The following DGKB variants were observed in gnomAD, a reference collection of about 807,000 sequenced individuals.
DGKB encodes diacylglycerol kinase beta.
In DGKB, 67 loss-of-function variants were observed where a neutral mutation model predicts 114.3. The observed-to-expected ratio is 0.59, with a 90% CI of 0.48 to 0.72. DGKB has a LOEUF of 0.72. Among genes scored for constraint, DGKB ranks in the 30% least tolerant of loss-of-function variants. The pLI, the probability that DGKB is intolerant of heterozygous loss-of-function variation, is 0.00. For synonymous variants in DGKB, 398 were observed against 323.1 expected, an observed-to-expected ratio of 1.23 and a Z score of -2.49; for missense variants, 907 against 975.2, an observed-to-expected ratio of 0.93 and a Z score of 0.93.
At chr7:14,940,375 T>C (rs1785507465) in intron 1 of DGKB, among the ~76,000 whole-genome samples, 1 of 152,052 alleles carries the variant, frequency 6.6e-6, no homozygotes, top group Non-Finnish European at 1.5e-5. Flanking sequence ...CAAGTTTTTA[T>C]TGACAAAATT....
At chr7:14,801,453 T>G (rs906718710) in intron 2 of DGKB, among the ~76,000 whole-genome samples, 2 of 152,208 alleles carry the variant, frequency 1.3e-5, no homozygotes, top group Non-Finnish European at 2.9e-5. Flanking sequence ...TCTGTGAAGA[T>G]GTTTCCATAT....
intron 1 of DGKB, among the ~76,000 whole-genome samples, chr7:14,897,342 C>G (rs1332843751): frequency 2.0e-5 from 3 of 151,858 alleles, no homozygotes; most frequent in Non-Finnish European, 4.4e-5. Context: ...TTCCCACCAT[C>G]AACCATCACT....
intron 23 of DGKB, among the ~76,000 whole-genome samples, chr7:14,309,170 T>C (rs551208024): frequency 5.5e-4 from 83 of 152,258 alleles, no homozygotes; most frequent in Non-Finnish European, 1.0e-3. Context: ...GAGCCATTAT[T>C]GTGCCACTGC....
At chr7:14,685,805 T>C (rs374340630) in intron 9 of DGKB, among the ~76,000 whole-genome samples, 37 of 152,272 alleles carry the variant, frequency 2.4e-4, no homozygotes, top group African/African-American at 7.5e-4. Context: ...AGTAGTAATA[T>C]ACAAAATTCA....
At chr7:14,411,992 G>A (rs1388873313) in intron 21 of DGKB, among the ~76,000 whole-genome samples, 1 of 152,132 alleles carries the variant, frequency 6.6e-6, no homozygotes, top group African/African-American at 2.4e-5. Context: ...AAATCAAGTT[G>A]TATAAGTAAT....
upstream of DGKB, among the ~76,000 whole-genome samples, chr7:14,905,501 A>G (rs1161625475): frequency 2.0e-5 from 3 of 152,158 alleles, no homozygotes; most frequent in East Asian, 5.8e-4. Context: ...CAGAAACTTC[A>G]TGGGAATCTG....
intron 13 of DGKB, among the ~76,000 whole-genome samples, chr7:14,653,813 T>C (rs1247868702): frequency 6.6e-6 from 1 of 151,942 alleles, no homozygotes; most frequent in Non-Finnish European, 1.5e-5. Context: ...ACAAAGCAAT[T>C]CATAAATCTT....
chr7:14,415,866 A>G (rs1434595063), intron 21 of DGKB, among the ~76,000 whole-genome samples: 1 of 152,126 alleles, frequency 6.6e-6, no homozygotes, highest in Non-Finnish European at 1.5e-5. Flanking sequence ...ACAATGGTTG[A>G]ACTAGTTTAC....
At chr7:14,720,515 GTGTA>G (rs1349950645) in intron 5 of DGKB, among the ~76,000 whole-genome samples, 69 of 138,230 alleles carry the variant, frequency 5.0e-4, no homozygotes, top group Non-Finnish European at 7.8e-4. Context: ...GTGTGTGTGT[GTGTA>G]TGTTTAGTAG....
Position 14,222,653 on chromosome 7 carries a change from G to A in DGKB, c.2123-44502C>T, listed in dbSNP as rs1041993760. On this transcript the variant is annotated intron_variant, in intron 23 of 25. Transcript: ENST00000402815. ...TTATATAGATATTTATTATATTGGT[G>A]TTTGTACAGATGCTGATACACATAC... is the stretch of plus-strand genomic sequence containing the variant. Among the ~76,000 whole-genome samples the A allele has an allele frequency of 4.0e-5, 6 of 151,362 alleles. No individual in the cohort carries two copies. In the East Asian group the frequency reaches 1.2e-3, roughly 29 times the overall value.
intron 20 of DGKB, among the ~76,000 whole-genome samples, chr7:14,523,208 A>C (rs997360216): frequency 5.9e-5 from 9 of 152,224 alleles, no homozygotes; most frequent in Admixed American, 5.9e-4. Flanking sequence ...CATATTTAAA[A>C]GTGAAAACTT....
chr7:14,414,155 G>C (rs1407313697), intron 21 of DGKB, among the ~76,000 whole-genome samples: 1 of 152,108 alleles, frequency 6.6e-6, no homozygotes, highest in African/African-American at 2.4e-5. Flanking sequence ...ATGAATTAGA[G>C]GGATCTATAT....
chr7:14,246,890 T>C (rs1270588523), intron 23 of DGKB, among the ~76,000 whole-genome samples: 1 of 151,756 alleles, frequency 6.6e-6, no homozygotes. Context: ...ATATTATTAA[T>C]GACACTGCAA....
At chr7:14,500,062 C>T (rs576440158) in intron 20 of DGKB, among the ~76,000 whole-genome samples, 6 of 151,820 alleles carry the variant, frequency 4.0e-5, no homozygotes, top group Admixed American at 2.6e-4. Flanking sequence ...TTCACAAATT[C>T]GTTCTGGCCT....
intron 2 of DGKB, among the ~76,000 whole-genome samples, chr7:14,772,482 G>T (rs1837562651): frequency 6.6e-6 from 1 of 152,068 alleles, no homozygotes; most frequent in African/African-American, 2.4e-5. Context: ...AAATGTTGAA[G>T]AATTTTTATG....
At chr7:14,274,261 A>G (rs573708198) in intron 23 of DGKB, among the ~76,000 whole-genome samples, 2 of 152,178 alleles carry the variant, frequency 1.3e-5, no homozygotes, top group Non-Finnish European at 2.9e-5. Flanking sequence ...GGTGATACGC[A>G]GTGATAGTTT....
chr7:14,672,401 C>T (rs1038975211), intron 13 of DGKB, among the ~76,000 whole-genome samples: 7 of 151,956 alleles, frequency 4.6e-5, no homozygotes, highest in Admixed American at 4.6e-4. Flanking sequence ...CATTTCTATA[C>T]TTATTGAATT....
chr7:14,270,048 C>CAAAAAAAAAA (rs397889901), intron 23 of DGKB, among the ~76,000 whole-genome samples: 2 of 52,864 alleles, frequency 3.8e-5, no homozygotes, highest in African/African-American at 1.5e-4. Context: ...GCTTTTTTTG[C>CAAAAAAAAAA]AAAAAAAAAA....
At chr7:14,356,692 G>C (rs550638041) in intron 21 of DGKB, among the ~76,000 whole-genome samples, 4 of 152,126 alleles carry the variant, frequency 2.6e-5, no homozygotes, top group Non-Finnish European at 4.4e-5. Context: ...TATGATGTTA[G>C]GGTGTGGATT....
Sources: gnomAD v4.1 joint callset for allele counts (sites outside exome capture counted in the v4.1 genomes callset) on GRCh38, gnomAD v4.1.1 for gene constraint, MANE v1.5 for transcripts, NCBI Gene and HGNC (gene_info 2026-07-23, HGNC 2026-07-21) for gene names.